The following SNX24 variants were observed in gnomAD, a reference collection of about 807,000 sequenced individuals.
SNX24 encodes the protein sorting nexin-24.
SNX24 carries 22 observed loss-of-function variants against 28.7 expected under a neutral mutation model. The ratio of observed to expected loss-of-function variants is 0.77; its 90% CI spans 0.55 to 1.10. The LOEUF is 1.10. Among genes scored for constraint, SNX24 ranks in the 50% least tolerant of loss-of-function variants. The probability of loss-of-function intolerance (pLI) is 0.00; values close to 1 mark genes in which losing one functional copy is unlikely to be tolerated. For synonymous variants in SNX24, 69 were observed against 71.5 expected (o/e 0.96, Z 0.18); for missense variants, 221 against 201.1 (o/e 1.10, Z -0.60).
intron 1 of SNX24, among the ~76,000 whole-genome samples, chr5:122,849,332 G>A (rs1422042361): frequency 6.6e-6 from 1 of 152,088 alleles, no homozygotes; most frequent in African/African-American, 2.4e-5. Context: ...CTGCCCTTAG[G>A]GATTCTCAGC....
At chr5:122,905,635 G>A (rs897029766) in intron 1 of SNX24, among the ~76,000 whole-genome samples, 14 of 152,138 alleles carry the variant, frequency 9.2e-5, no homozygotes, top group Admixed American at 2.0e-4. Flanking sequence ...AAGCAATTTG[G>A]ATAAAGGATA....
At chr5:122,912,906 G>C (rs182980994) in intron 1 of SNX24, among the ~76,000 whole-genome samples, 19 of 152,024 alleles carry the variant, frequency 1.2e-4, no homozygotes, top group East Asian at 9.7e-4. Context: ...TTAGGGAGTG[G>C]TGATGACTCT....
intron 1 of SNX24, among the ~76,000 whole-genome samples, chr5:122,853,501 G>A (rs1464532546): frequency 6.6e-6 from 1 of 152,132 alleles, no homozygotes; most frequent in African/African-American, 2.4e-5. Context: ...ACTTAGAATG[G>A]TACATTCATT....
At chr5:122,995,164 A>T (rs1014954919) in intron 3 of SNX24, among the ~76,000 whole-genome samples, 2 of 152,202 alleles carry the variant, frequency 1.3e-5, no homozygotes, top group Non-Finnish European at 2.9e-5. Context: ...TTTTCATACT[A>T]TGTCACTTTT....
chr5:123,021,820 A>T (rs1169082844), intron 5 of SNX24, among the ~76,000 whole-genome samples: 1 of 151,708 alleles, frequency 6.6e-6, no homozygotes, highest in East Asian at 1.9e-4. Flanking sequence ...GCCCTAACAC[A>T]CTGGCTTTCT....
chr5:122,850,882 C>G (rs1754887123), intron 1 of SNX24, among the ~76,000 whole-genome samples: 1 of 151,074 alleles, frequency 6.6e-6, no homozygotes, highest in African/African-American at 2.4e-5. Context: ...AAAGAAGTCC[C>G]AGCACAGAAG....
At chr5:122,910,094 G>T (rs899942118) in intron 1 of SNX24, among the ~76,000 whole-genome samples, 16 of 152,134 alleles carry the variant, frequency 1.1e-4, no homozygotes, top group African/African-American at 3.1e-4. Flanking sequence ...AGAAGATTAG[G>T]AAGTTAAGAC....
downstream of SNX24, among the ~76,000 whole-genome samples, chr5:123,011,003 C>T (rs1161127731): frequency 6.6e-6 from 1 of 152,154 alleles, no homozygotes; most frequent in Non-Finnish European, 1.5e-5. Context: ...TTTCACTAGG[C>T]ATGCCTGGCC....
chr5:122,900,315 C>A (rs1022065869), intron 1 of SNX24, among the ~76,000 whole-genome samples: 1 of 152,094 alleles, frequency 6.6e-6, no homozygotes, highest in Non-Finnish European at 1.5e-5. Flanking sequence ...CACATAGTTA[C>A]AATTTTGAGA....
chr5:122,897,253 A>G (rs1051191573), intron 1 of SNX24, among the ~76,000 whole-genome samples: 2 of 151,958 alleles, frequency 1.3e-5, no homozygotes, highest in East Asian at 1.9e-4. Flanking sequence ...AATTATGGCA[A>G]TTTTTTTTAA....
At chr5:122,957,471 CT>C (rs1218359750) in intron 3 of SNX24, among the ~76,000 whole-genome samples, 2 of 152,074 alleles carry the variant, frequency 1.3e-5, no homozygotes, top group Non-Finnish European at 2.9e-5. Context: ...CTATGTTTTT[CT>C]TTTTCAAGAT....
At position 123,008,928 on chromosome 5, in the gene SNX24, A is replaced by T; in HGVS notation, c.*1179A>T. 2.0e-6 allele frequency: 2 copies of T among 985,018 alleles called. No homozygotes were observed. The highest frequency in any genetic ancestry group is 2.4e-6 in the Non-Finnish European group (2 of 829,134). The allele number at this position is 985,018 out of a possible 1,614,324, so 61.0% of individuals were successfully genotyped here. A position where few individuals can be genotyped will look rare whatever the true frequency, so the allele number is the denominator to read the frequency against. On this transcript the variant is annotated 3_prime_UTR_variant, in exon 7 of 7. Coordinates refer to ENST00000261369, the MANE Select transcript of SNX24 (RefSeq NM_014035.4). ...GATCTAATTAATAGCTAGCCTATTT[A>T]TGGTTATTCGTTTTAGTAAGTTCTG...
At chr5:122,893,408 A>G (rs1033635080) in intron 1 of SNX24, among the ~76,000 whole-genome samples, 8 of 152,128 alleles carry the variant, frequency 5.3e-5, no homozygotes, top group African/African-American at 4.8e-5. Flanking sequence ...AATGGTATGT[A>G]GAAACCAAGA....
chr5:122,863,800 C>T lies in SNX24; in HGVS notation c.60+18107C>T, dbSNP rs547122785. 7.9e-5 allele frequency among the ~76,000 whole-genome samples: 12 copies of T among 152,278 alleles called. No homozygotes were observed. The South Asian group carries it at 2.5e-3, about 32-fold the overall frequency. ...AAAGCCCTAGGCTAAAGGGATCATC[C>T]CACCTTGGCCTCCCAAAGTTTTGGG... On this transcript the variant is annotated intron_variant, in intron 1 of 6. Coordinates refer to ENST00000261369, the MANE Select transcript of SNX24 (RefSeq NM_014035.4).
At chr5:122,986,571 C>T (rs1177766449) in intron 3 of SNX24, among the ~76,000 whole-genome samples, 1 of 152,084 alleles carries the variant, frequency 6.6e-6, no homozygotes, top group Non-Finnish European at 1.5e-5. Context: ...TTTAGCAACT[C>T]AAAAGCAACC....
At position 122,999,610 on chromosome 5, in the gene SNX24, A is replaced by T. The variant is rs537651839; in HGVS notation, c.250-302A>T. Among the ~76,000 whole-genome samples, 7 of 152,322 alleles carry T rather than the reference A, an allele frequency of 4.6e-5. No individual in the cohort carries two copies. In the East Asian group the frequency reaches 1.4e-3, roughly 29 times the overall value. On this transcript the variant is annotated intron_variant, in intron 3 of 6. Transcript: ENST00000261369. The stretch of plus-strand genomic sequence containing the variant: ...GGATTAGAATCTCCATGAAGGCAAG[A>T]ACCATTTCTACCTGGCTCCCCACTG...
At chr5:122,964,247 C>CAAAAAAAAAAAA (rs34174497) in intron 3 of SNX24, among the ~76,000 whole-genome samples, 6 of 36,578 alleles carry the variant, frequency 1.6e-4, no homozygotes, top group African/African-American at 3.3e-4. Flanking sequence ...GACTCCATCT[C>CAAAAAAAAAAAA]AAAAAAAAAA....
chr5:123,028,777 C>T lies in SNX24; in HGVS notation n.384-461C>T. 1 of 1,609,740 alleles carries T rather than the reference C, an allele frequency of 6.2e-7. No homozygotes were observed. Among genetic ancestry groups the T allele is most frequent in the East Asian group, 2.2e-5 (1 of 44,860 alleles). On this transcript the variant is annotated intron_variant and non_coding_transcript_variant, in intron 5 of 5. Coordinates refer to the SNX24 transcript ENST00000502387. The stretch of plus-strand genomic sequence containing the variant: ...AAGGAAAAATGCAAAGACGTTACCC[C>T]CAGTGCCATCTCCAGTGGTGATGTC...
intron 5 of SNX24, among the ~76,000 whole-genome samples, chr5:123,027,907 T>C (rs778650357): frequency 1.3e-5 from 2 of 152,246 alleles, no homozygotes; most frequent in African/African-American, 2.4e-5. Flanking sequence ...TGGATAGCTA[T>C]AATCCTGAAT....
Sources: allele counts gnomAD v4.1 joint callset (sites outside exome capture counted in the v4.1 genomes callset), GRCh38; gene constraint gnomAD v4.1.1; transcripts MANE v1.5; gene names NCBI Gene and HGNC (gene_info 2026-07-23, HGNC 2026-07-21).